The following MTNR1A variants were observed in gnomAD, a reference collection of about 807,000 sequenced individuals.
The protein encoded by MTNR1A is melatonin receptor 1A.
Under a neutral mutation model 5.5 loss-of-function variants are expected in MTNR1A, and 7 were observed. The ratio of observed to expected loss-of-function variants is 1.28; its 90% CI spans 0.73 to 2.40. The LOEUF is 2.40. Ranked by LOEUF, MTNR1A falls within the 30% of genes most tolerant of loss-of-function variation. The pLI, the probability that MTNR1A is intolerant of heterozygous loss-of-function variation, is 0.00. For missense variants in MTNR1A, 441 were observed against 464.4 expected, an observed-to-expected ratio of 0.95 and a Z score of 0.46; for synonymous variants, 196 against 202.7, an observed-to-expected ratio of 0.97 and a Z score of 0.28.
intron 1 of MTNR1A, among the ~76,000 whole-genome samples, chr4:186,541,674 C>T (rs1269861177): frequency 6.6e-6 from 1 of 152,166 alleles, no homozygotes; most frequent in Non-Finnish European, 1.5e-5. Flanking sequence ...CATAGGAGTG[C>T]AAACCCTATC....
Position 186,534,284 on chromosome 4 carries a change from A to G in MTNR1A, c.458T>C (p.Leu153Pro), listed in dbSNP as rs1560892077. The change falls in exon 2 of 2, where the codon CTC becomes CCC. Residue 153 changes from leucine (L) to proline (P), a missense_variant. Leu to Pro is a moderately conservative substitution (Grantham distance 98, BLOSUM62 -3). Coordinates refer to ENST00000307161, the MANE Select transcript of MTNR1A (RefSeq NM_005958.4). ...GGGCAGGACGGCCGCCAGCGTCAGG[A>G]GCCATATGAGGAGCACGTAGCAGAG... The part of the protein sequence containing the change: ...NSLCYVLLIW[L>P]LTLAAVLPNL... 1 of 1,614,132 alleles carries G rather than the reference A, an allele frequency of 6.2e-7. No homozygotes were observed. The highest frequency in any genetic ancestry group is 8.5e-7 in the Non-Finnish European group (1 of 1,180,026).
At chr4:186,549,392 C>T (rs1251676035) in intron 1 of MTNR1A, among the ~76,000 whole-genome samples, 1 of 152,176 alleles carries the variant, frequency 6.6e-6, no homozygotes, top group Non-Finnish European at 1.5e-5. Flanking sequence ...CCAGTGTGTT[C>T]TTCACTAATA....
chr4:186,538,719 C>T (rs1415565058), intron 1 of MTNR1A, among the ~76,000 whole-genome samples: 1 of 152,218 alleles, frequency 6.6e-6, no homozygotes, highest in Non-Finnish European at 1.5e-5. Context: ...AGCAATTTTA[C>T]TTCTTGGATT....
chr4:186,540,597 A>T (rs576710741), intron 1 of MTNR1A, among the ~76,000 whole-genome samples: 16 of 152,374 alleles, frequency 1.1e-4, no homozygotes, highest in African/African-American at 3.8e-4. Context: ...TGACCATGTG[A>T]TCTGAAAGCT....
At chr4:186,546,458 A>T (rs73024706) in intron 1 of MTNR1A, among the ~76,000 whole-genome samples, 1,683 of 152,092 alleles carry the variant, frequency 0.011, 32 homozygotes, top group African/African-American at 0.038. Context: ...TCAGTGACAT[A>T]CTTGGTGACT....
chr4:186,533,726 A>T lies in MTNR1A; in HGVS notation c.1016T>A (p.Met339Lys), dbSNP rs1736760410. ...CACCTTTACTACATTATTGTTGGTC[A>T]TCAGTGGAGACGGTTTCCATTTAAC... The part of the protein sequence containing the change: ...DRVKWKPSPL[M>K]TNNNVVKVDS... The change falls in exon 2 of 2, where the codon ATG becomes AAG. Residue 339 changes from methionine (M) to lysine (K), a missense_variant. Coordinates refer to ENST00000307161, the MANE Select transcript of MTNR1A (RefSeq NM_005958.4). 1 of 1,614,088 alleles carries T rather than the reference A, an allele frequency of 6.2e-7. No individual in the cohort carries two copies. The highest frequency in any genetic ancestry group is 1.7e-5 in the Admixed American group (1 of 60,000).
Position 186,533,812 on chromosome 4 carries a change from T to C in MTNR1A, c.930A>G (p.Ile310Met). ...QNFRKEYRRI[I>M]VSLCTARVFF... ...ACACCCTGGCTGTACAGAGCGAGAC[T>C]ATAATTCTCCTGTATTCCTTCCTGA... Residue 310 changes from isoleucine to methionine, a missense_variant, in exon 2 of 2, where the codon ATA (isoleucine) becomes ATG (methionine). By Grantham distance (10) the Ile-to-Met change is conservative (BLOSUM62 1). Transcript: ENST00000307161. 6.2e-7 allele frequency: 1 copy of C among 1,614,210 alleles called. No individual in the cohort carries two copies. The highest frequency in any genetic ancestry group is 8.5e-7 in the Non-Finnish European group (1 of 1,180,040).
chr4:186,539,143 G>C (rs1349552229), intron 1 of MTNR1A, among the ~76,000 whole-genome samples: 1 of 147,554 alleles, frequency 6.8e-6, no homozygotes, highest in Non-Finnish European at 1.5e-5. Flanking sequence ...CTTGAACCCA[G>C]AAGGCGAAGG....
chr4:186,555,461 G>C lies in MTNR1A; in HGVS notation c.-96C>G. On this transcript the variant is annotated 5_prime_UTR_variant, in exon 1 of 2. Coordinates refer to ENST00000307161, the MANE Select transcript of MTNR1A (RefSeq NM_005958.4). The surrounding 1 kb of genome is among the most constrained non-coding windows in gnomAD (Gnocchi z 4.1). ...TCCGCCCGGCGCTCCCCGCGCCCAC[G>C]CCCCATCCCGCGCGCTCCTCCACGC... The C allele has an allele frequency of 9.6e-7, 1 of 1,042,734 alleles. No individual in the cohort carries two copies. Among genetic ancestry groups the C allele is most frequent in the East Asian group, 3.8e-5 (1 of 26,488 alleles). The allele number at this position is 1,042,734 out of a possible 1,614,324, so 64.6% of individuals were successfully genotyped here. A position where few individuals can be genotyped will look rare whatever the true frequency, so the allele number is the denominator to read the frequency against.
rs112857512 is a variant in MTNR1A, at chr4:186,533,658, G to A, written c.*31C>T. On this transcript the variant is annotated 3_prime_UTR_variant, in exon 2 of 2. Coordinates refer to ENST00000307161, the MANE Select transcript of MTNR1A (RefSeq NM_005958.4). ...TGTCAAGAGCGAGGCCTTGCGCAGC[G>A]TGTCCATCTCACCCGGAACGTGGTG... 5.2e-4 allele frequency: 844 copies of A among 1,612,858 alleles called. 3 individuals are homozygous for A. In the African/African-American group the frequency reaches 9.9e-3, roughly 19 times the overall value.
intron 1 of MTNR1A, among the ~76,000 whole-genome samples, chr4:186,540,024 A>G (rs1385377066): frequency 6.6e-6 from 1 of 152,210 alleles, no homozygotes; most frequent in Non-Finnish European, 1.5e-5. Flanking sequence ...GAAGCCTCAC[A>G]ATCATGGTGG....
chr4:186,546,217 G>A (rs749034054), intron 1 of MTNR1A, among the ~76,000 whole-genome samples: 24 of 152,062 alleles, frequency 1.6e-4, no homozygotes, highest in Admixed American at 4.6e-4. Flanking sequence ...GAAACCACAC[G>A]TCTTGCTTCA....
chr4:186,542,397 G>A (rs527424253), intron 1 of MTNR1A, among the ~76,000 whole-genome samples: 47 of 152,248 alleles, frequency 3.1e-4, no homozygotes, highest in African/African-American at 7.5e-4. Flanking sequence ...TCCTCATGGC[G>A]TTGCTTTTGA....
At chr4:186,545,105 T>G (rs1485941852) in intron 1 of MTNR1A, among the ~76,000 whole-genome samples, 1 of 151,904 alleles carries the variant, frequency 6.6e-6, no homozygotes, top group Non-Finnish European at 1.5e-5. Flanking sequence ...CCCCTGAGAG[T>G]GCTCCCTCAG....
In MTNR1A at chr4:186,555,150, C is replaced by T. The variant is rs768111729; in HGVS notation, c.184+32G>A. ...CCGCGGAGAGGCGCTGCGTCCGGAG[C>T]GCTGGCCCAGGGGAGGCGGCGCGGG... On this transcript the variant is annotated intron_variant, in intron 1 of 1. Coordinates refer to ENST00000307161, the MANE Select transcript of MTNR1A (RefSeq NM_005958.4). The surrounding 1 kb of genome is among the most constrained non-coding windows in gnomAD (Gnocchi z 4.1). 1.0e-4 allele frequency: 158 copies of T among 1,574,304 alleles called. No individual in the cohort carries two copies. The highest frequency in any genetic ancestry group is 1.3e-4 in the Non-Finnish European group (150 of 1,159,810).
At chr4:186,550,621 G>T (rs1424144794) in intron 1 of MTNR1A, among the ~76,000 whole-genome samples, 1 of 151,864 alleles carries the variant, frequency 6.6e-6, no homozygotes. Flanking sequence ...ATAGAAGGAG[G>T]TCTAATCTAG....
At chr4:186,542,263 T>C (rs1349191136) in intron 1 of MTNR1A, among the ~76,000 whole-genome samples, 1 of 152,176 alleles carries the variant, frequency 6.6e-6, no homozygotes, top group African/African-American at 2.4e-5. Context: ...CAGTGGTTTG[T>C]TCTGGCTGGA....
At chr4:186,553,872 G>C (rs1469849800) in intron 1 of MTNR1A, among the ~76,000 whole-genome samples, 1 of 152,238 alleles carries the variant, frequency 6.6e-6, no homozygotes. Flanking sequence ...GGTGTTGACA[G>C]CAAGGAAGCA....
intron 1 of MTNR1A, among the ~76,000 whole-genome samples, chr4:186,551,880 T>C (rs1579256814): frequency 6.6e-6 from 1 of 152,140 alleles, no homozygotes; most frequent in East Asian, 1.9e-4. Context: ...CATCCAGCCA[T>C]AGAGCCATTC....
Sources: allele counts gnomAD v4.1 joint callset (sites outside exome capture counted in the v4.1 genomes callset), GRCh38; gene constraint gnomAD v4.1.1; non-coding constraint Gnocchi (gnomAD v3.1); transcripts MANE v1.5; gene names NCBI Gene and HGNC (gene_info 2026-07-23, HGNC 2026-07-21).